DAPK1: variants seen among roughly 807,000 people sequenced by gnomAD.
The protein encoded by DAPK1 is death-associated protein kinase 1.
A neutral mutation model predicts 144.9 loss-of-function variants in DAPK1; 56 were observed. The ratio of observed to expected loss-of-function variants is 0.39; its 90% confidence interval spans 0.31 to 0.48. DAPK1 has a LOEUF of 0.48. Ranked by LOEUF, DAPK1 falls within the 20% of genes least tolerant of loss-of-function variation. The pLI is 0.95. For missense variants in DAPK1, 1,454 were observed against 1,875.4 expected (o/e 0.78, Z 4.15); for synonymous variants, 690 against 749.0 (o/e 0.92, Z 1.29).
intron 2 of DAPK1, among the ~76,000 whole-genome samples, chr9:87,594,031 A>G (rs73496221): frequency 0.047 from 7,165 of 152,298 alleles, 569 homozygotes; most frequent in African/African-American, 0.16. Flanking sequence ...TGGAGCAGCC[A>G]ATCCTGGCAT....
rs765786291 is a variant in DAPK1, at chr9:87,640,790, C to G, written c.783-12C>G. 11 of 1,613,906 alleles carry G rather than the reference C, an allele frequency of 6.8e-6. No individual in the cohort carries two copies. Among genetic ancestry groups the G allele is most frequent in the South Asian group, 3.3e-5 (3 of 91,070 alleles). On this transcript the variant is annotated splice_polypyrimidine_tract_variant and intron_variant, in intron 8 of 25. Coordinates refer to ENST00000408954, the MANE Select transcript of DAPK1 (RefSeq NM_004938.4). Reference sequence around the variant, plus strand: ...GTCACAGCATTTTTTTTCTTCTCCCCCTCCCCTCAAGGAAGAGAATGACAA... The same window carrying G: ...GTCACAGCATTTTTTTTCTTCTCCCGCTCCCCTCAAGGAAGAGAATGACAA...
chr9:87,648,523 A>G (rs1830340606), intron 14 of DAPK1: 1 of 428,926 alleles, frequency 2.3e-6, no homozygotes, highest in African/African-American at 2.0e-5. Context: ...GCTATCATGG[A>G]AAAGGGAGAG....
At chr9:87,552,927 T>A (rs1213091057) in intron 2 of DAPK1, among the ~76,000 whole-genome samples, 1 of 152,112 alleles carries the variant, frequency 6.6e-6, no homozygotes, top group Non-Finnish European at 1.5e-5. Flanking sequence ...CATTTTTAAG[T>A]GCACAGTTCA....
rs545480223 is a variant in DAPK1 at position 87,577,587 on chromosome 9, C to T, written c.63-27367C>T. Among the ~76,000 whole-genome samples the T allele has an allele frequency of 8.5e-5, 13 of 152,294 alleles. No homozygotes were observed. In the South Asian group the frequency reaches 2.7e-3, roughly 32 times the overall value. On this transcript the variant is annotated intron_variant, in intron 2 of 25. Coordinates refer to ENST00000408954, the MANE Select transcript of DAPK1 (RefSeq NM_004938.4). Reference sequence around the variant, plus strand: ...CCAAGGATGGTGGATCACTTGAGGTCAGGAGTTCCAGACCGTCCTGGCCAA... The same window carrying T: ...CCAAGGATGGTGGATCACTTGAGGTTAGGAGTTCCAGACCGTCCTGGCCAA...
Position 87,668,669 on chromosome 9 carries a change from C to T in DAPK1, c.1996C>T (p.Arg666Ter). 1.6e-6 allele frequency: 2 copies of T among 1,264,262 alleles called. No individual in the cohort carries two copies. Among genetic ancestry groups the T allele is most frequent in the East Asian group, 2.3e-5 (1 of 43,342 alleles). The allele number at this position is 1,264,262 out of a possible 1,614,324, so 78.3% of individuals were successfully genotyped here. ...CGTAGCAGGTCTCCTTGCAAGACTT[C>T]GAAAGGTGAGAAGTTCTGTTATAGG... ...EHVAGLLARL[R>*]KDTHRGLFIQ... The change falls in exon 19 of 26, where the codon CGA (arginine) becomes TGA (stop). Residue 666 changes from arginine to a stop codon, truncating the protein, a stop_gained. Transcript: ENST00000408954. LOFTEE classifies it high-confidence loss of function.
chr9:87,604,314 T>A (rs1828636071), intron 2 of DAPK1, among the ~76,000 whole-genome samples: 1 of 152,128 alleles, frequency 6.6e-6, no homozygotes, highest in Non-Finnish European at 1.5e-5. Context: ...GATCCGTATT[T>A]ACAGTTGGGG....
chr9:87,655,321 C>T (rs1237686184), intron 17 of DAPK1, among the ~76,000 whole-genome samples: 1 of 152,130 alleles, frequency 6.6e-6, no homozygotes, highest in Non-Finnish European at 1.5e-5. Flanking sequence ...GATCTCACAG[C>T]TTCTTCAGAA....
intron 2 of DAPK1, among the ~76,000 whole-genome samples, chr9:87,529,231 C>T (rs1372618678): frequency 1.3e-5 from 2 of 152,202 alleles, no homozygotes; most frequent in Non-Finnish European, 2.9e-5. Context: ...CATTTCTGCT[C>T]TAGCGCTTTT....
chr9:87,645,016 A>T (rs1323753849), intron 11 of DAPK1, among the ~76,000 whole-genome samples: 1 of 152,208 alleles, frequency 6.6e-6, no homozygotes, highest in African/African-American at 2.4e-5. Flanking sequence ...TTGGATTCAG[A>T]TCTATAGAGA....
At chr9:87,626,658 T>C (rs958765878) in intron 3 of DAPK1, among the ~76,000 whole-genome samples, 1 of 152,148 alleles carries the variant, frequency 6.6e-6, no homozygotes, top group African/African-American at 2.4e-5. Context: ...TAGTTTGTGA[T>C]AGTGAAAATT....
chr9:87,682,244 G>C (rs1367552647), intron 20 of DAPK1, among the ~76,000 whole-genome samples: 1 of 152,162 alleles, frequency 6.6e-6, no homozygotes, highest in Non-Finnish European at 1.5e-5. Flanking sequence ...TGCCTTCCGG[G>C]CCTTCCACAG....
chr9:87,672,602 G>A (rs1824212251), intron 19 of DAPK1, among the ~76,000 whole-genome samples: 3 of 152,248 alleles, frequency 2.0e-5, no homozygotes, highest in South Asian at 4.2e-4. Flanking sequence ...TGTGTTCAAG[G>A]AGTCCCTGGA....
intron 25 of DAPK1, among the ~76,000 whole-genome samples, chr9:87,704,878 C>T (rs1023881236): frequency 5.3e-5 from 8 of 152,208 alleles, no homozygotes; most frequent in African/African-American, 1.7e-4. Flanking sequence ...GCGATGGCCA[C>T]TCTCCAAGAA....
At chr9:87,535,367 G>C (rs1053818961) in intron 2 of DAPK1, among the ~76,000 whole-genome samples, 8 of 152,054 alleles carry the variant, frequency 5.3e-5, no homozygotes, top group African/African-American at 1.9e-4. Flanking sequence ...TTTAATTCTA[G>C]TATTTTATGG....
At chr9:87,687,943 C>T (rs1183377903) in intron 21 of DAPK1, among the ~76,000 whole-genome samples, 1 of 152,208 alleles carries the variant, frequency 6.6e-6, no homozygotes, top group East Asian at 1.9e-4. Context: ...ATTTGTATGT[C>T]TTCTTTTAAG....
At position 87,703,137 on chromosome 9, in the gene DAPK1, G is replaced by A. The variant is rs1266405000; in HGVS notation, c.2980G>A (p.Asp994Asn). 5 of 1,609,452 alleles carry A rather than the reference G, an allele frequency of 3.1e-6. No homozygotes were observed. The highest frequency in any genetic ancestry group is 2.2e-5 in the East Asian group (1 of 44,854). ...QLMSLQQFVY[D>N]VQDQLNPLAS... ...GATGTCGCTGCAGCAGTTTGTGTACGACGTGCAGGACCAGCTGAACCCCCT... is the reference window on the plus strand; with the variant it reads ...GATGTCGCTGCAGCAGTTTGTGTACAACGTGCAGGACCAGCTGAACCCCCT... Residue 994 changes from aspartate to asparagine, a missense_variant, in exon 25 of 26, where the codon GAC becomes AAC. By Grantham distance (23) the Asp-to-Asn change is conservative. This residue lies in a region of DAPK1 where 1,025 missense variants were observed against 1,237.9 expected (regional missense o/e 0.83). Transcript: ENST00000408954.
At position 87,607,310 on chromosome 9, in the gene DAPK1, ACAGTG is replaced by A. The variant is rs576389980; in HGVS notation, c.284+2138_284+2142del. 2.2e-4 allele frequency among the ~76,000 whole-genome samples: 33 copies of A among 152,290 alleles called. No individual in the cohort carries two copies. The East Asian group carries it at 4.6e-3, about 21-fold the overall frequency. On this transcript the variant is annotated intron_variant, in intron 3 of 25. Coordinates refer to ENST00000408954, the MANE Select transcript of DAPK1 (RefSeq NM_004938.4). ...TTAAGCCTACATTTCCTGCCTTAAG[ACAGTG>A]CATACAAAGTGCCTGGAAAAAGAAA...
intron 20 of DAPK1, among the ~76,000 whole-genome samples, chr9:87,685,996 A>G (rs1474610345): frequency 6.6e-6 from 1 of 152,202 alleles, no homozygotes; most frequent in African/African-American, 2.4e-5. Flanking sequence ...AACAACTGAA[A>G]GGCCTTCAAG....
intron 22 of DAPK1, among the ~76,000 whole-genome samples, chr9:87,697,893 G>T (rs977806611): frequency 2.6e-5 from 4 of 152,244 alleles, no homozygotes; most frequent in African/African-American, 9.6e-5. Flanking sequence ...GGCTGTGGCT[G>T]CAGTGAGCCA....
Sources: gnomAD v4.1 joint callset for allele counts (sites outside exome capture counted in the v4.1 genomes callset) on GRCh38, gnomAD v4.1.1 for gene constraint, gnomAD v4.1.1 regional missense constraint, MANE v1.5 for transcripts, NCBI Gene and HGNC (gene_info 2026-07-23, HGNC 2026-07-21) for gene names.